LRMDA: variants seen among roughly 807,000 people sequenced by gnomAD.
The protein encoded by LRMDA is leucine rich melanocyte differentiation associated.
In LRMDA, 18 loss-of-function variants were observed where a neutral mutation model predicts 29.8. The observed-to-expected ratio is 0.60, with a 90% CI of 0.42 to 0.90. LRMDA has a LOEUF of 0.90. LRMDA is among the 40% of genes least tolerant of loss of function. The probability of loss-of-function intolerance (pLI) is 0.00; values close to 1 mark genes in which losing one functional copy is unlikely to be tolerated. For synonymous variants in LRMDA, 125 were observed against 109.4 expected (o/e 1.14, Z -0.89); for missense variants, 273 against 273.9 (o/e 1.00, Z 0.02).
chr10:76,475,219 A>G (rs1474599028), intron 6 of LRMDA, among the ~76,000 whole-genome samples: 2 of 151,702 alleles, frequency 1.3e-5, no homozygotes, highest in Non-Finnish European at 3.0e-5. Flanking sequence ...TGGGCATGGG[A>G]TTTCTTTTGG....
intron 2 of LRMDA, among the ~76,000 whole-genome samples, chr10:75,806,570 C>G (rs573995592): frequency 6.6e-6 from 1 of 151,768 alleles, no homozygotes; most frequent in South Asian, 2.1e-4. Context: ...ATTGTTAATG[C>G]AACAGTACCA....
intron 2 of LRMDA, among the ~76,000 whole-genome samples, chr10:75,968,861 G>C (rs1417710401): frequency 1.3e-5 from 2 of 152,162 alleles, no homozygotes; most frequent in East Asian, 3.8e-4. Flanking sequence ...GAACCTTGAG[G>C]GTACTATAGC....
intron 2 of LRMDA, among the ~76,000 whole-genome samples, chr10:75,532,897 G>A (rs1845494565): frequency 6.6e-6 from 1 of 152,116 alleles, no homozygotes. Context: ...TATGAAGCCT[G>A]GTTTTGGGCA....
At chr10:75,552,413 G>GTTT in intron 2 of LRMDA, 4 of 231,176 alleles carry the variant, frequency 1.7e-5, no homozygotes, top group South Asian at 3.9e-5. Flanking sequence ...TTTGTTCTGT[G>GTTT]TTTTTTTTTT....
intron 5 of LRMDA, among the ~76,000 whole-genome samples, chr10:76,192,933 T>C (rs1201768874): frequency 6.6e-6 from 1 of 152,222 alleles, no homozygotes; most frequent in African/African-American, 2.4e-5. Flanking sequence ...TTATGAACTC[T>C]GTGACTCATA....
chr10:76,285,246 C>A (rs1156677752), intron 5 of LRMDA, among the ~76,000 whole-genome samples: 1 of 152,108 alleles, frequency 6.6e-6, no homozygotes, highest in East Asian at 1.9e-4. Context: ...TTTTCCACAA[C>A]TCAACCAGCA....
chr10:76,245,793 A>G (rs563946692), intron 5 of LRMDA, among the ~76,000 whole-genome samples: 1 of 152,360 alleles, frequency 6.6e-6, no homozygotes, highest in African/African-American at 2.4e-5. Flanking sequence ...ACAATACACC[A>G]GACTGATGGA....
intron 2 of LRMDA, among the ~76,000 whole-genome samples, chr10:75,618,089 T>C (rs1841127823): frequency 6.6e-6 from 1 of 152,228 alleles, no homozygotes; most frequent in Non-Finnish European, 1.5e-5. Flanking sequence ...ATAGACTGAC[T>C]TGAAACTGCT....
intron 6 of LRMDA, among the ~76,000 whole-genome samples, chr10:76,378,932 C>G (rs1301793278): frequency 6.9e-6 from 1 of 144,986 alleles, no homozygotes; most frequent in African/African-American, 2.6e-5. Flanking sequence ...TTTTGGCTCA[C>G]TGCAACCTCT....
chr10:75,492,886 A>G (rs1322197777), intron 2 of LRMDA, among the ~76,000 whole-genome samples: 1 of 152,244 alleles, frequency 6.6e-6, no homozygotes, highest in Admixed American at 6.5e-5. Context: ...TGGAGTGATG[A>G]TATCATAATC....
At chr10:75,858,205 G>A (rs1281284155) in intron 2 of LRMDA, among the ~76,000 whole-genome samples, 1 of 152,158 alleles carries the variant, frequency 6.6e-6, no homozygotes, top group African/African-American at 2.4e-5. Flanking sequence ...GTAGAAGCAG[G>A]TACCACATGG....
chr10:75,846,702 C>T (rs958524722), intron 2 of LRMDA, among the ~76,000 whole-genome samples: 11 of 150,498 alleles, frequency 7.3e-5, no homozygotes, highest in South Asian at 2.1e-4. Flanking sequence ...TAAATAATAC[C>T]GAAATGATAC....
At chr10:76,534,603 G>A (rs1843271821) in intron 6 of LRMDA, among the ~76,000 whole-genome samples, 1 of 152,138 alleles carries the variant, frequency 6.6e-6, no homozygotes. Flanking sequence ...ACAGCAGCTT[G>A]TATAATCCTT....
intron 2 of LRMDA, among the ~76,000 whole-genome samples, chr10:75,703,967 G>A (rs559067499): frequency 2.6e-5 from 4 of 152,150 alleles, no homozygotes; most frequent in African/African-American, 2.4e-5. Context: ...ATTTCAGAGA[G>A]CCAAGTTCTG....
chr10:76,526,165 C>T (rs1481261239), intron 6 of LRMDA, among the ~76,000 whole-genome samples: 1 of 152,158 alleles, frequency 6.6e-6, no homozygotes, highest in African/African-American at 2.4e-5. Context: ...GGAACTCTCT[C>T]AAATCATGAG....
Position 75,823,862 on chromosome 10 carries a change from C to T in LRMDA, c.132-212146C>T, listed in dbSNP as rs545835600. Among the ~76,000 whole-genome samples the T allele has an allele frequency of 1.1e-4, 16 of 152,208 alleles. No individual in the cohort carries two copies. The East Asian group carries it at 3.1e-3, about 30-fold the overall frequency. On this transcript the variant is annotated intron_variant, in intron 2 of 6. Coordinates refer to ENST00000611255, the MANE Select transcript of LRMDA (RefSeq NM_001305581.2). ...AGCATGGTTTGAACTGGAGGCCATC[C>T]ATTATCCTTAGTGAAATGACTCAGA... is the stretch of plus-strand genomic sequence containing the variant.
At chr10:75,667,017 T>C (rs1317681258) in intron 2 of LRMDA, among the ~76,000 whole-genome samples, 1 of 152,026 alleles carries the variant, frequency 6.6e-6, no homozygotes, top group African/African-American at 2.4e-5. Flanking sequence ...GTGGCGTGTA[T>C]GGGTGTGGAT....
At chr10:76,457,062 T>A (rs1402683257) in intron 6 of LRMDA, among the ~76,000 whole-genome samples, 2 of 152,192 alleles carry the variant, frequency 1.3e-5, no homozygotes, top group Admixed American at 1.3e-4. Flanking sequence ...TCACATTTCA[T>A]TGTCTCCAAG....
chr10:75,963,348 AT>A (rs1564617868), intron 2 of LRMDA, among the ~76,000 whole-genome samples: 1 of 152,250 alleles, frequency 6.6e-6, no homozygotes, highest in Non-Finnish European at 1.5e-5. Flanking sequence ...TAACCTTGTT[AT>A]AGGACAAAGC....
Sources: allele counts gnomAD v4.1 joint callset (sites outside exome capture counted in the v4.1 genomes callset), GRCh38; gene constraint gnomAD v4.1.1; transcripts MANE v1.5; gene names NCBI Gene and HGNC (gene_info 2026-07-23, HGNC 2026-07-21).